Variants in SGCD observed in about 807,000 individuals in gnomAD.
The protein encoded by SGCD is delta-sarcoglycan.
In SGCD, 18 loss-of-function variants were observed where a neutral mutation model predicts 36.6. That is an observed-to-expected ratio of 0.49 (90% confidence interval 0.34 to 0.73). SGCD has a LOEUF of 0.73. SGCD is among the 30% of genes least tolerant of loss of function. The pLI, the probability that SGCD is intolerant of heterozygous loss-of-function variation, is 0.01. For missense variants in SGCD, 387 were observed against 346.7 expected (o/e 1.12, Z -0.92); for synonymous variants, 133 against 130.6 (o/e 1.02, Z -0.12).
chr5:156,075,578 G>C (rs185312043), intron 1 of SGCD, among the ~76,000 whole-genome samples: 138 of 152,264 alleles, frequency 9.1e-4, no homozygotes, highest in African/African-American at 3.2e-3. Context: ...GAATAGAGAG[G>C]TGAACAAATT....
intron 3 of SGCD, among the ~76,000 whole-genome samples, chr5:156,303,531 C>A (rs1767115710): frequency 6.6e-6 from 1 of 151,860 alleles, no homozygotes; most frequent in Non-Finnish European, 1.5e-5. Flanking sequence ...TTTCTTTCCT[C>A]AAGCAGAAGG....
intron 7 of SGCD, among the ~76,000 whole-genome samples, chr5:156,718,397 T>C (rs1328275832): frequency 6.6e-6 from 1 of 152,158 alleles, no homozygotes; most frequent in East Asian, 1.9e-4. Context: ...AAAGTACAAG[T>C]CCCTCAATTT....
intron 1 of SGCD, among the ~76,000 whole-genome samples, chr5:155,886,530 G>A (rs779825388): frequency 5.3e-5 from 8 of 149,962 alleles, no homozygotes; most frequent in East Asian, 1.9e-4. Flanking sequence ...GTGCGTGGGC[G>A]CGTGTGTGTG....
chr5:155,771,710 A>C, the SGCD span, among the ~76,000 whole-genome samples: 1 of 152,036 alleles, frequency 6.6e-6, no homozygotes, highest in African/African-American at 2.4e-5. Flanking sequence ...GGCTTAAGCC[A>C]CTGCACCCGG....
intron 1 of SGCD, among the ~76,000 whole-genome samples, chr5:156,327,872 A>G (rs550948746): frequency 2.1e-3 from 318 of 152,332 alleles, no homozygotes; most frequent in African/African-American, 7.5e-3. Context: ...TTCTGTTTCT[A>G]TAATCATTTC....
In SGCD at chr5:156,153,740, T is replaced by A. The variant is rs7716605; in HGVS notation, c.-44+29721T>A. On this transcript the variant is annotated intron_variant, in intron 3 of 9. Transcript: ENST00000517913. ...AAGACTCTAGGGTGATGGTCCTTGA[T>A]GTCAGCTACACGTGGAAATCAATAG... Among the ~76,000 whole-genome samples, 267 of 151,706 alleles carry A rather than the reference T, an allele frequency of 1.8e-3. 13 individuals carry two copies. Among genetic ancestry groups the A allele is most frequent in the African/African-American group, 6.2e-3 (255 of 41,010 alleles).
At chr5:156,304,635 A>AC (rs1405737709) in intron 3 of SGCD, among the ~76,000 whole-genome samples, 3 of 152,242 alleles carry the variant, frequency 2.0e-5, no homozygotes, top group East Asian at 3.8e-4. Flanking sequence ...CTGAAAAGAT[A>AC]CCCAAAAATG....
chr5:156,023,841 TG>T (rs1023864249), intron 1 of SGCD, among the ~76,000 whole-genome samples: 4 of 151,738 alleles, frequency 2.6e-5, no homozygotes, highest in Admixed American at 2.0e-4. Flanking sequence ...GCCTCTTATT[TG>T]GTCTCAACTT....
chr5:155,919,820 T>C (rs1403553128), intron 1 of SGCD, among the ~76,000 whole-genome samples: 2 of 152,196 alleles, frequency 1.3e-5, no homozygotes, highest in Admixed American at 6.5e-5. Context: ...GAACAAATAT[T>C]TGGCGAGTGC....
chr5:155,899,769 C>A (rs1756347186), intron 1 of SGCD, among the ~76,000 whole-genome samples: 1 of 151,994 alleles, frequency 6.6e-6, no homozygotes, highest in African/African-American at 2.4e-5. Flanking sequence ...ATTTGATAGC[C>A]AATTAAATGG....
chr5:156,681,301 C>T (rs979935020), intron 7 of SGCD, among the ~76,000 whole-genome samples: 1 of 152,176 alleles, frequency 6.6e-6, no homozygotes, highest in African/African-American at 2.4e-5. Context: ...CCAGCCATCT[C>T]CATCCAGGCC....
intron 1 of SGCD, among the ~76,000 whole-genome samples, chr5:156,116,024 A>G (rs945922269): frequency 1.9e-4 from 29 of 152,114 alleles, no homozygotes; most frequent in Non-Finnish European, 2.9e-5. Flanking sequence ...TAGATCTACT[A>G]TTTTATTAGG....
rs544527832 is a variant in SGCD at position 156,598,740 on chromosome 5, G to A, written c.502+3689G>A. 5.3e-5 allele frequency among the ~76,000 whole-genome samples: 8 copies of A among 152,242 alleles called. No homozygotes were observed. In the East Asian group the frequency reaches 9.6e-4, roughly 18 times the overall value. On this transcript the variant is annotated intron_variant, in intron 6 of 8. Coordinates refer to ENST00000337851, the MANE Select transcript of SGCD (RefSeq NM_000337.6). The stretch of plus-strand genomic sequence containing the variant: ...GCAATGGCATAGGATAATTTTAAAC[G>A]TCCAGACACTTTGGCTTAATCTTAA...
In SGCD at chr5:156,078,617, A is replaced by G. The variant is rs200833544; in HGVS notation, c.-281-39261A>G. Among the ~76,000 whole-genome samples the G allele has an allele frequency of 4.4e-4, 65 of 146,916 alleles. No homozygotes were observed. The East Asian group carries it at 0.012, about 27-fold the overall frequency. On this transcript the variant is annotated intron_variant, in intron 1 of 9. Coordinates refer to the SGCD transcript ENST00000517913. ...TATTTATATATTTTTATATATACAC[A>G]CAGTATATATACACACACATATTTA...
chr5:156,569,556 C>T (rs1240929991), intron 4 of SGCD, among the ~76,000 whole-genome samples: 1 of 151,496 alleles, frequency 6.6e-6, no homozygotes, highest in East Asian at 1.9e-4. Context: ...CGCCCCACTG[C>T]ACTCCAGCCT....
At chr5:155,825,208 G>A in the SGCD span, among the ~76,000 whole-genome samples, 1 of 152,116 alleles carries the variant, frequency 6.6e-6, no homozygotes. Context: ...ACAATGAGGA[G>A]AATGAAGGTA....
intron 3 of SGCD, among the ~76,000 whole-genome samples, chr5:156,134,232 T>A (rs1762399366): frequency 6.6e-6 from 1 of 152,188 alleles, no homozygotes; most frequent in South Asian, 2.1e-4. Flanking sequence ...TTCCTCATAT[T>A]TAGCCTGGAT....
intron 1 of SGCD, among the ~76,000 whole-genome samples, chr5:155,952,793 T>C (rs940923519): frequency 6.6e-6 from 1 of 152,220 alleles, no homozygotes; most frequent in African/African-American, 2.4e-5. Context: ...TTTGCATTTT[T>C]TGCCTTTGAA....
rs542844343 is a variant in SGCD, at chr5:156,342,226, A to T, written c.4-2263A>T. 1.8e-3 allele frequency among the ~76,000 whole-genome samples: 278 copies of T among 152,340 alleles called. 2 individuals carry two copies. The highest frequency in any genetic ancestry group is 1.2e-3 in the Non-Finnish European group (79 of 68,026). On this transcript the variant is annotated intron_variant, in intron 2 of 8. Coordinates refer to ENST00000337851, the MANE Select transcript of SGCD (RefSeq NM_000337.6). ...ATAGCTACGTTTATGTAATGACACC[A>T]TCGATTGGGTTGAATGACAGAGAAA...
Sources: allele counts gnomAD v4.1 joint callset (sites outside exome capture counted in the v4.1 genomes callset), GRCh38; gene constraint gnomAD v4.1.1; transcripts MANE v1.5; gene names NCBI Gene and HGNC (gene_info 2026-07-23, HGNC 2026-07-21).